The following TMBIM1 variants were observed in gnomAD, a reference collection of about 807,000 sequenced individuals.
TMBIM1 encodes transmembrane BAX inhibitor motif containing 1, also known as protein lifeguard 3.
Under a neutral mutation model 45.1 loss-of-function variants are expected in TMBIM1, and 34 were observed. The observed-to-expected ratio is 0.75, with a 90% CI of 0.57 to 1.00. The LOEUF (loss-of-function observed/expected upper bound fraction) is 1.00, where lower values mean the gene tolerates loss of function less well. TMBIM1 is among the 50% of genes least tolerant of loss of function. The pLI, the probability that TMBIM1 is intolerant of heterozygous loss-of-function variation, is 0.00. For synonymous variants in TMBIM1, 157 were observed against 153.5 expected, an observed-to-expected ratio of 1.02 and a Z score of -0.17; for missense variants, 374 against 402.4, an observed-to-expected ratio of 0.93 and a Z score of 0.60.
chr2:218,277,725 T>A, intron 7 of TMBIM1, 55 bp from the exon 8 acceptor site: 2 of 1,610,334 alleles, frequency 1.2e-6, no homozygotes, highest in Non-Finnish European at 1.7e-6. Flanking sequence ...GAAGGCAGGG[T>A]GCTGGGGGAG....
In TMBIM1 at chr2:218,275,305, AC is replaced by A; in HGVS notation, c.*169del. 1 of 797,920 alleles carries A rather than the reference AC, an allele frequency of 1.3e-6. No individual in the cohort carries two copies. The highest frequency in any genetic ancestry group is 1.8e-6 in the Non-Finnish European group (1 of 548,264). The allele number at this position is 797,920 out of a possible 1,614,324, so 49.4% of individuals were successfully genotyped here. On this transcript the variant is annotated 3_prime_UTR_variant, in exon 12 of 12. Coordinates refer to ENST00000258412, the MANE Select transcript of TMBIM1 (RefSeq NM_022152.6). ...CCTAGCTCCTCCGTCCCCACCAAGT[AC>A]CCACACATCCATAGCCAGAGAGGCC...
At chr2:218,284,755 A>C (rs1692362305) in intron 1 of TMBIM1, among the ~76,000 whole-genome samples, 1 of 152,312 alleles carries the variant, frequency 6.6e-6, no homozygotes, top group African/African-American at 2.4e-5. Flanking sequence ...CACACTAGTA[A>C]TAGTACCCTC....
At chr2:218,290,602 T>C (rs1362958574) in intron 1 of TMBIM1, among the ~76,000 whole-genome samples, 1 of 152,136 alleles carries the variant, frequency 6.6e-6, no homozygotes, top group Non-Finnish European at 1.5e-5. Flanking sequence ...GGGGGACATA[T>C]CCAGCTACCA....
chr2:218,274,825 C>G lies in TMBIM1; in HGVS notation c.*650G>C, dbSNP rs571839302. On this transcript the variant is annotated 3_prime_UTR_variant, in exon 12 of 12. Transcript: ENST00000258412. ...AGGGGAGATGCTGTTCCATGCTGGC[C>G]TGTATAGGTTACTTTGCTCGTTCTG... The G allele has an allele frequency of 1.3e-5, 2 of 153,748 alleles. No individual in the cohort carries two copies. Among genetic ancestry groups the G allele is most frequent in the African/African-American group, 4.8e-5 (2 of 41,476 alleles). The allele number at this position is 153,748 out of a possible 1,614,324, so 9.5% of individuals were successfully genotyped here. A position where few individuals can be genotyped will look rare whatever the true frequency, so the allele number is the denominator to read the frequency against.
At chr2:218,291,318 G>C (rs1324232951) in intron 1 of TMBIM1, among the ~76,000 whole-genome samples, 2 of 152,176 alleles carry the variant, frequency 1.3e-5, no homozygotes, top group East Asian at 3.8e-4. Context: ...ACAGAGAGAG[G>C]AGGCAGGTGA....
chr2:218,276,818 CCA>C (rs1342192178), intron 10 of TMBIM1, among the ~76,000 whole-genome samples, 184 bp downstream of exon 10: 2 of 152,122 alleles, frequency 1.3e-5, no homozygotes, highest in Admixed American at 6.5e-5. Flanking sequence ...CCGCCCATCT[CCA>C]CACAGAGAGT....
rs1490134170 is a variant in TMBIM1, at chr2:218,274,468, C to T, written c.*1007G>A. The T allele has an allele frequency of 6.5e-6, 1 of 154,028 alleles. No individual in the cohort carries two copies. Among genetic ancestry groups the T allele is most frequent in the East Asian group, 1.9e-4 (1 of 5,334 alleles). The allele number at this position is 154,028 out of a possible 1,614,324, so 9.5% of individuals were successfully genotyped here. The stretch of plus-strand genomic sequence containing the variant: ...AGACAAACAGAGAGAAGTCACCTTC[C>T]TCTTAGGACCCTCCCTGGGTTAGCA... On this transcript the variant is annotated 3_prime_UTR_variant, in exon 12 of 12. Coordinates refer to ENST00000258412, the MANE Select transcript of TMBIM1 (RefSeq NM_022152.6).
intron 1 of TMBIM1, 51 bp from the exon 2 acceptor site, chr2:218,282,232 T>G: frequency 9.0e-7 from 1 of 1,111,030 alleles, no homozygotes; most frequent in Non-Finnish European, 1.2e-6. Context: ...CCCAGCTCAC[T>G]CAGCCTCATG....
chr2:218,274,707 T>G lies in TMBIM1; in HGVS notation c.*768A>C, dbSNP rs201491578. 2.6e-5 allele frequency: 4 copies of G among 155,428 alleles called. No homozygotes were observed. Among genetic ancestry groups the G allele is most frequent in the Non-Finnish European group, 5.9e-5 (4 of 68,366 alleles). The allele number at this position is 155,428 out of a possible 1,614,324, so 9.6% of individuals were successfully genotyped here. On this transcript the variant is annotated 3_prime_UTR_variant, in exon 12 of 12. Coordinates refer to ENST00000258412, the MANE Select transcript of TMBIM1 (RefSeq NM_022152.6). ...CACTCTGACCAGAGATCCAGAAGCCTGCAAGGAGGCCCCAGCAGCTTTCAA... is the reference window on the plus strand; with the variant it reads ...CACTCTGACCAGAGATCCAGAAGCCGGCAAGGAGGCCCCAGCAGCTTTCAA...
At chr2:218,278,310 G>A in intron 6 of TMBIM1, 1 of 622,540 alleles carries the variant, frequency 1.6e-6, no homozygotes. Flanking sequence ...GTCTTGCAGG[G>A]TTACTATAAG....
At chr2:218,279,199 G>A in intron 4 of TMBIM1, 90 bp downstream of exon 4, 3 of 1,567,612 alleles carry the variant, frequency 1.9e-6, no homozygotes, top group Non-Finnish European at 2.6e-6. Context: ...TGGTCACCCT[G>A]AGAGCAGGGC....
At chr2:218,282,746 C>T (rs917033523) in intron 1 of TMBIM1, among the ~76,000 whole-genome samples, 7 of 152,130 alleles carry the variant, frequency 4.6e-5, no homozygotes, top group African/African-American at 1.7e-4. Context: ...TGCCAGGCCC[C>T]GAGGAGGAAG....
Position 218,279,497 on chromosome 2 carries a change from G to A in TMBIM1, c.304-144C>T. 4.7e-6 allele frequency: 3 copies of A among 633,284 alleles called. No homozygotes were observed. In the East Asian group the frequency reaches 8.9e-5, roughly 19 times the overall value. 39.2% of individuals were successfully genotyped at this position (633,284 alleles called of 1,614,324 possible). ...AGAGGCGACCCCAGTGAGATGCCTG[G>A]CTCAGAGGCAATGTGCACTTCTTCC... is the stretch of plus-strand genomic sequence containing the variant. On this transcript the variant is annotated intron_variant, in intron 3 of 11. Transcript: ENST00000258412.
At chr2:218,281,660 G>C (rs149071451) in intron 2 of TMBIM1, among the ~76,000 whole-genome samples, 1 of 152,174 alleles carries the variant, frequency 6.6e-6, no homozygotes, top group Admixed American at 6.5e-5. Flanking sequence ...CCCCTCAGGA[G>C]TCATTACTTG....
chr2:218,284,287 G>A (rs1692320069), intron 1 of TMBIM1: 1 of 152,210 alleles, frequency 6.6e-6, no homozygotes, highest in East Asian at 1.9e-4. Flanking sequence ...AGGTGGGGGC[G>A]ACACGACCTC....
intron 1 of TMBIM1, among the ~76,000 whole-genome samples, chr2:218,292,160 A>G (rs1433740558): frequency 6.6e-6 from 1 of 152,202 alleles, no homozygotes; most frequent in African/African-American, 2.4e-5. Flanking sequence ...CGTGCCCGAA[A>G]GAGGGAACAC....
intron 1 of TMBIM1, among the ~76,000 whole-genome samples, chr2:218,290,933 C>T (rs1463994349): frequency 6.6e-6 from 1 of 152,208 alleles, no homozygotes; most frequent in Admixed American, 6.5e-5. Flanking sequence ...ATTGTATGAG[C>T]TTCCACTCTC....
At chr2:218,281,498 C>T (rs1026893592) in intron 2 of TMBIM1, among the ~76,000 whole-genome samples, 5 of 152,224 alleles carry the variant, frequency 3.3e-5, no homozygotes, top group Non-Finnish European at 7.3e-5. Context: ...AACTTGGCTC[C>T]AAATGTCTTT....
intron 1 of TMBIM1, among the ~76,000 whole-genome samples, chr2:218,288,307 TAGTCCC>T (rs1692685595): frequency 1.3e-5 from 2 of 151,986 alleles, no homozygotes; most frequent in African/African-American, 4.8e-5. Flanking sequence ...CGGACGCCTG[TAGTCCC>T]AGCTACTCGG....
Sources: allele counts gnomAD v4.1 joint callset (sites outside exome capture counted in the v4.1 genomes callset), GRCh38; gene constraint gnomAD v4.1.1; transcripts MANE v1.5; gene names NCBI Gene and HGNC (gene_info 2026-07-23, HGNC 2026-07-21).